The following OR6N1 variants were observed in gnomAD, a reference collection of about 807,000 sequenced individuals.
The protein encoded by OR6N1 is olfactory receptor 6N1.
For missense variants in OR6N1, 394 were observed against 371.7 expected (o/e 1.06, Z -0.49); for synonymous variants, 170 against 150.7 (o/e 1.13, Z -0.94).
chr1:158,776,744 T>C (rs777632912), upstream of OR6N1: 13 of 1,613,942 alleles, frequency 8.1e-6, no homozygotes, highest in Admixed American at 8.3e-5. Context: ...ATAGCTTTAA[T>C]GATTTCCTTG....
At chr1:158,779,888 T>C in the OR6N1 span, among the ~76,000 whole-genome samples, 1 of 152,220 alleles carries the variant, frequency 6.6e-6, no homozygotes, top group African/African-American at 2.4e-5. Flanking sequence ...TTTTAACAAG[T>C]CTGTCTTCCC....
chr1:158,805,709 G>A, the OR6N1 span, among the ~76,000 whole-genome samples: 1 of 152,188 alleles, frequency 6.6e-6, no homozygotes, highest in Non-Finnish European at 1.5e-5. Context: ...GGCAAGGGGA[G>A]TTTGCAGCTA....
chr1:158,819,619 G>A, the OR6N1 span, among the ~76,000 whole-genome samples: 1 of 151,996 alleles, frequency 6.6e-6, no homozygotes, highest in Non-Finnish European at 1.5e-5. Flanking sequence ...TACCACGGGA[G>A]TTCCAAAAAA....
At chr1:158,837,291 T>C in the OR6N1 span, among the ~76,000 whole-genome samples, 2 of 151,982 alleles carry the variant, frequency 1.3e-5, no homozygotes, top group South Asian at 2.1e-4. Context: ...TTCTACCTAT[T>C]ATTGAAAGTG....
the OR6N1 span, among the ~76,000 whole-genome samples, chr1:158,779,855 T>C: frequency 6.6e-6 from 1 of 152,216 alleles, no homozygotes; most frequent in African/African-American, 2.4e-5. Context: ...CTCATAATAT[T>C]TACATTTAGC....
Position 158,766,110 on chromosome 1 carries a change from A to G in OR6N1, c.573T>C (p.Asp191=), listed in dbSNP as rs746497841. 4.3e-5 allele frequency: 70 copies of G among 1,614,084 alleles called. No individual in the cohort carries two copies. The highest frequency in any genetic ancestry group is 5.9e-5 in the Non-Finnish European group (70 of 1,180,032). ...FPPVLSLACT[D]TSINVLVDFV... is the part of the protein sequence containing the mutation. ...AATCTACTAGGACATTTATAGACGT[A>G]TCAGTGCAAGCCAAACTCAGCACAG... The change falls in exon 2 of 2, where the codon GAT becomes GAC. Residue 191 remains aspartate (D), a synonymous_variant. Transcript: ENST00000641846.
At chr1:158,814,335 CAT>C in the OR6N1 span, among the ~76,000 whole-genome samples, 3 of 152,100 alleles carry the variant, frequency 2.0e-5, no homozygotes, top group African/African-American at 7.2e-5. Flanking sequence ...CATATATACA[CAT>C]ATATACATAC....
the OR6N1 span, among the ~76,000 whole-genome samples, chr1:158,817,072 CAAATT>C: frequency 6.6e-6 from 1 of 152,012 alleles, no homozygotes; most frequent in African/African-American, 2.4e-5. Context: ...AATGAAGAAA[CAAATT>C]AAAGCTTATA....
At chr1:158,837,397 AT>A in the OR6N1 span, among the ~76,000 whole-genome samples, 1 of 151,730 alleles carries the variant, frequency 6.6e-6, no homozygotes, top group Non-Finnish European at 1.5e-5. Flanking sequence ...TGTTTTGTGC[AT>A]GTATGTTTCT....
chr1:158,772,976 T>G (rs986452643), upstream of OR6N1, among the ~76,000 whole-genome samples: 6 of 152,128 alleles, frequency 3.9e-5, no homozygotes, highest in South Asian at 2.1e-4. Context: ...ATAAAAAATT[T>G]AAAAAGTATA....
intron 1 of OR6N1, among the ~76,000 whole-genome samples, chr1:158,767,098 G>A (rs573788704): frequency 1.4e-3 from 214 of 152,086 alleles, no homozygotes; most frequent in African/African-American, 4.6e-3. Flanking sequence ...TATTGATACC[G>A]TACTGGACCA....
upstream of OR6N1, among the ~76,000 whole-genome samples, chr1:158,772,522 T>C (rs770059084): frequency 2.0e-5 from 3 of 152,210 alleles, no homozygotes; most frequent in Non-Finnish European, 4.4e-5. Flanking sequence ...GGAGTAAGCA[T>C]ACAACTTTCA....
At chr1:158,769,733 C>G (rs1199188190) in intron 1 of OR6N1, among the ~76,000 whole-genome samples, 1 of 152,148 alleles carries the variant, frequency 6.6e-6, no homozygotes, top group Non-Finnish European at 1.5e-5. Flanking sequence ...ATACAAAAGC[C>G]TTTCTCAATC....
the OR6N1 span, among the ~76,000 whole-genome samples, chr1:158,785,237 G>C: frequency 6.6e-6 from 1 of 151,996 alleles, no homozygotes; most frequent in East Asian, 1.9e-4. Flanking sequence ...AAACCCTTTT[G>C]TGCTTTCATT....
upstream of OR6N1, chr1:158,776,875 C>T (rs771450756): frequency 6.2e-6 from 10 of 1,613,992 alleles, no homozygotes; most frequent in South Asian, 5.5e-5. Context: ...GAAGATGATG[C>T]TCCCAAAGAA....
chr1:158,778,598 A>C, the OR6N1 span, among the ~76,000 whole-genome samples: 1 of 152,172 alleles, frequency 6.6e-6, no homozygotes, highest in African/African-American at 2.4e-5. Context: ...TCAGATGTAG[A>C]CTTTTAAAAC....
the OR6N1 span, among the ~76,000 whole-genome samples, chr1:158,783,210 T>C: frequency 6.6e-6 from 1 of 152,176 alleles, no homozygotes; most frequent in African/African-American, 2.4e-5. Context: ...AACATAATAC[T>C]AAGTTCTGCC....
chr1:158,773,831 G>T (rs1657486282), upstream of OR6N1, among the ~76,000 whole-genome samples: 1 of 152,132 alleles, frequency 6.6e-6, no homozygotes, highest in Non-Finnish European at 1.5e-5. Context: ...ATGTGTGTGT[G>T]TTTTTGTGTG....
the OR6N1 span, among the ~76,000 whole-genome samples, chr1:158,831,906 A>G: frequency 6.6e-6 from 1 of 152,174 alleles, no homozygotes; most frequent in Non-Finnish European, 1.5e-5. Context: ...ACAGTCAGAT[A>G]AGAAAATTAT....
Sources: gnomAD v4.1 joint callset for allele counts (sites outside exome capture counted in the v4.1 genomes callset) on GRCh38, gnomAD v4.1.1 for gene constraint, MANE v1.5 for transcripts, NCBI Gene and HGNC (gene_info 2026-07-23, HGNC 2026-07-21) for gene names.